Variants in NKAP observed in about 807,000 individuals in gnomAD.
NKAP encodes the protein NFKB activating protein.
A neutral mutation model predicts 35.6 loss-of-function variants in NKAP; 4 were observed. The observed-to-expected ratio is 0.11, with a 90% CI of 0.06 to 0.26. The LOEUF is 0.26. NKAP is among the 10% of genes least tolerant of loss of function. NKAP has a pLI of 1.00. For synonymous variants in NKAP, 106 were observed against 119.2 expected (o/e 0.89, Z 0.72); for missense variants, 238 against 321.9 (o/e 0.74, Z 1.99).
At chrX:119,925,929 C>CTTTTTTTTTTT (rs1305744041) in intron 8 of NKAP, among the ~76,000 whole-genome samples, 15 of 46,329 alleles carry the variant, frequency 3.2e-4, no homozygotes, top group South Asian at 1.4e-3. Context: ...ATCCTTTTTT[C>CTTTTTTTTTTT]TTTTTTTTTT....
intron 8 of NKAP, among the ~76,000 whole-genome samples, chrX:119,927,201 C>T (rs767376152): frequency 2.2e-4 from 24 of 108,153 alleles, no homozygotes; most frequent in Admixed American, 1.3e-3. Flanking sequence ...TTGCAACCTC[C>T]GCCTCCCAGG....
At chrX:119,926,189 C>T (rs2056712472) in intron 8 of NKAP, among the ~76,000 whole-genome samples, 1 of 105,244 alleles carries the variant, frequency 9.5e-6, no homozygotes, top group Admixed American at 1.0e-4. Flanking sequence ...ATCTCCTGAC[C>T]TCATGATCCA....
At position 119,924,943 on chromosome X, in the gene NKAP, C is replaced by T; in HGVS notation, c.*277G>A. ...TCAAGTGATCCACCCGCCTCAGCCT[C>T]CCAAAGTGCTGGGATTACAGGCGTG... On this transcript the variant is annotated 3_prime_UTR_variant, in exon 9 of 9. Coordinates refer to ENST00000371410, the MANE Select transcript of NKAP (RefSeq NM_024528.4). 3.6e-6 allele frequency: 1 copy of T among 278,545 alleles called. No individual in the cohort carries two copies. Among genetic ancestry groups the T allele is most frequent in the Non-Finnish European group, 6.3e-6 (1 of 159,670 alleles). 23.0% of individuals were successfully genotyped at this position (278,545 alleles called of 1,213,427 possible).
Position 119,928,587 on chromosome X carries a change from G to A in NKAP, c.1073+1429C>T, listed in dbSNP as rs773545316. ...AAAATGACATTTTTTTTTTAAGACGGAGTTTCACTCTTGTCACCCAGGCTG... is the reference window on the plus strand; with the variant it reads ...AAAATGACATTTTTTTTTTAAGACGAAGTTTCACTCTTGTCACCCAGGCTG... On this transcript the variant is annotated intron_variant, in intron 8 of 8. Transcript: ENST00000371410. Among the ~76,000 whole-genome samples, 3 of 111,491 alleles carry A rather than the reference G, an allele frequency of 2.7e-5. No individual in the cohort carries two copies. In the Admixed American group the frequency reaches 2.9e-4, roughly 11 times the overall value.
At position 119,943,282 on chromosome X, in the gene NKAP, G is replaced by A. The variant is rs1449436406; in HGVS notation, c.324C>T (p.Tyr108=). 1 of 1,210,602 alleles carries A rather than the reference G, an allele frequency of 8.3e-7. No homozygotes were observed. ...GGCTAGGCCAAGGCTTGTCGCTCCC[G>A]TAGGGGCGCGAGTAGCTGCCGTAAT... is the stretch of plus-strand genomic sequence containing the variant. ...SVYYGSYSRP[Y]GSDKPWPSLL... is the part of the protein sequence containing the mutation. The change falls in exon 1 of 9, where the codon TAC becomes TAT. Residue 108 remains tyrosine, a synonymous_variant. Coordinates refer to ENST00000371410, the MANE Select transcript of NKAP (RefSeq NM_024528.4).
intron 7 of NKAP, among the ~76,000 whole-genome samples, chrX:119,931,580 C>A (rs746104062): frequency 9.0e-6 from 1 of 111,560 alleles, no homozygotes; most frequent in African/African-American, 3.2e-5. Context: ...CTGTGAGGAT[C>A]AAAGAGAAAC....
At chrX:119,925,932 T>TCTTTC (rs1569471194) in intron 8 of NKAP, among the ~76,000 whole-genome samples, 1 of 48,797 alleles carries the variant, frequency 2.0e-5, no homozygotes, top group African/African-American at 7.7e-5. Context: ...CTTTTTTCTT[T>TCTTTC]TTTTTTTTTT....
chrX:119,925,736 T>A (rs1366390194), intron 8 of NKAP, among the ~76,000 whole-genome samples: 2 of 108,399 alleles, frequency 1.8e-5, no homozygotes, highest in African/African-American at 6.7e-5. Flanking sequence ...TTAGTAGAGA[T>A]GGGGTTTCAC....
intron 4 of NKAP, among the ~76,000 whole-genome samples, chrX:119,935,172 T>A (rs770981823): frequency 2.7e-5 from 3 of 111,008 alleles, no homozygotes; most frequent in Non-Finnish European, 5.7e-5. Flanking sequence ...CAGAGGAGTC[T>A]CAAAATCAGA....
chrX:119,942,962 T>C (rs112862619), intron 1 of NKAP: 17 of 356,260 alleles, frequency 4.8e-5, no homozygotes, highest in African/African-American at 2.6e-4. Flanking sequence ...GTCTGAACTC[T>C]CGGCAATATT....
At position 119,925,070 on chromosome X, in the gene NKAP, G is replaced by T; in HGVS notation, c.*150C>A. 1 of 555,907 alleles carries T rather than the reference G, an allele frequency of 1.8e-6. No homozygotes were observed. 45.8% of individuals were successfully genotyped at this position (555,907 alleles called of 1,213,427 possible). On this transcript the variant is annotated 3_prime_UTR_variant, in exon 9 of 9. Coordinates refer to ENST00000371410, the MANE Select transcript of NKAP (RefSeq NM_024528.4). ...CTTGCTAAAGTTATATCAATAAGCA[G>T]CTTTTTATTGAAGGACTGAAAGAAT...
chrX:119,930,551 G>T (rs2056735221), intron 7 of NKAP, among the ~76,000 whole-genome samples: 1 of 112,185 alleles, frequency 8.9e-6, no homozygotes. Flanking sequence ...AGGCACAGTG[G>T]CTCACGCCTA....
intron 8 of NKAP, among the ~76,000 whole-genome samples, chrX:119,926,248 G>A (rs960712959): frequency 6.6e-5 from 7 of 106,012 alleles, no homozygotes; most frequent in Non-Finnish European, 1.2e-4. Flanking sequence ...GAGCCACCGC[G>A]CCTGGCCTAT....
rs1430418847 is a variant in NKAP, at chrX:119,936,438, A to C, written c.539-7T>G. On this transcript the variant is annotated splice_region_variant and splice_polypyrimidine_tract_variant and intron_variant, in intron 3 of 8. Coordinates refer to ENST00000371410, the MANE Select transcript of NKAP (RefSeq NM_024528.4). ...GACTTCTTCTTTTTTTCTTCTAAGA[A>C]AGTACAAATTAAAAAATTATATTCT... 1 of 1,115,584 alleles carries C rather than the reference A, an allele frequency of 9.0e-7. No homozygotes were observed. Among genetic ancestry groups the C allele is most frequent in the Non-Finnish European group, 1.2e-6 (1 of 833,504 alleles). 91.9% of individuals were successfully genotyped at this position (1,115,584 alleles called of 1,213,427 possible).
intron 1 of NKAP, 31 bp downstream of exon 1, chrX:119,943,189 G>T (rs774888406): frequency 2.6e-6 from 3 of 1,155,333 alleles, no homozygotes; most frequent in South Asian, 4.1e-5. Flanking sequence ...ACGTAGGCTC[G>T]TACAAGAGAA....
chrX:119,938,841 C>G (rs1220831370), intron 1 of NKAP, 31 bp from the exon 2 acceptor site: 2 of 1,023,063 alleles, frequency 2.0e-6, no homozygotes, highest in African/African-American at 3.8e-5. Flanking sequence ...AATTATAACT[C>G]AATGGCTGAG....
At chrX:119,932,266 A>G (rs1380507716) in intron 5 of NKAP, 50 bp from the exon 6 acceptor site, 15 of 893,635 alleles carry the variant, frequency 1.7e-5, no homozygotes, top group Non-Finnish European at 2.3e-5. Flanking sequence ...CCTATGTTAG[A>G]GGGCATCTTA....
intron 7 of NKAP, among the ~76,000 whole-genome samples, chrX:119,930,450 G>A: frequency 8.9e-6 from 1 of 112,319 alleles, no homozygotes; most frequent in Non-Finnish European, 1.9e-5. Context: ...TACAATTATG[G>A]ATTAATTTAT....
chrX:119,935,549 A>G (rs1289481470), intron 4 of NKAP, among the ~76,000 whole-genome samples: 4 of 111,473 alleles, frequency 3.6e-5, no homozygotes, highest in Non-Finnish European at 7.5e-5. Context: ...TTATTGTATG[A>G]GATAGTGTTG....
Sources: allele counts gnomAD v4.1 joint callset (sites outside exome capture counted in the v4.1 genomes callset), GRCh38; gene constraint gnomAD v4.1.1; transcripts MANE v1.5; gene names NCBI Gene and HGNC (gene_info 2026-07-23, HGNC 2026-07-21).